The following GSE1 variants were observed in gnomAD, a reference collection of about 807,000 sequenced individuals.
GSE1 encodes genetic suppressor element 1.
A neutral mutation model predicts 112.6 loss-of-function variants in GSE1; 32 were observed. That is an observed-to-expected ratio of 0.28 (90% CI 0.21 to 0.38). The LOEUF is 0.38. GSE1 is among the 10% of genes least tolerant of loss of function. The pLI, the probability that GSE1 is intolerant of heterozygous loss-of-function variation, is 1.00. For missense variants in GSE1, 2,348 were observed against 1,699.2 expected, an observed-to-expected ratio of 1.38 and a Z score of -6.71; for synonymous variants, 1,115 against 735.6, an observed-to-expected ratio of 1.52 and a Z score of -8.35.
chr16:85,646,743 C>T (rs943624838), intron 2 of GSE1, among the ~76,000 whole-genome samples: 10 of 152,232 alleles, frequency 6.6e-5, no homozygotes, highest in Non-Finnish European at 1.0e-4. Flanking sequence ...AGTGTGCAGC[C>T]GTGCACCCCC....
At chr16:85,469,178 C>G (rs557283917) in intron 2 of GSE1, among the ~76,000 whole-genome samples, 26 of 152,132 alleles carry the variant, frequency 1.7e-4, no homozygotes, top group African/African-American at 6.3e-4. Context: ...ATCTCTTGAA[C>G]CTGGGATGTG....
At chr16:85,233,787 T>C (rs1420644500) in intron 1 of GSE1, among the ~76,000 whole-genome samples, 34 of 152,296 alleles carry the variant, frequency 2.2e-4, no homozygotes, top group East Asian at 1.9e-4. Context: ...GGCACTTTGC[T>C]GGCCTCCTGG....
At chr16:85,582,557 C>T (rs1313253724) in intron 1 of GSE1, among the ~76,000 whole-genome samples, 1 of 152,180 alleles carries the variant, frequency 6.6e-6, no homozygotes, top group Non-Finnish European at 1.5e-5. Flanking sequence ...TGGCTTGCTT[C>T]CTGGGTGGCT....
At chr16:85,572,131 CCACATACCACACACAA>C (rs1189937664) in intron 1 of GSE1, among the ~76,000 whole-genome samples, 1 of 147,642 alleles carries the variant, frequency 6.8e-6, no homozygotes, top group Non-Finnish European at 1.5e-5. Context: ...CACACACACA[CCACATACCACACACAA>C]CACACCACAC....
At chr16:85,636,751 C>T (rs2050033581) in intron 2 of GSE1, among the ~76,000 whole-genome samples, 1 of 152,156 alleles carries the variant, frequency 6.6e-6, no homozygotes, top group South Asian at 2.1e-4. Context: ...GCGGTCCCTG[C>T]TGGAAAGGAA....
intron 2 of GSE1, among the ~76,000 whole-genome samples, chr16:85,372,074 G>T (rs534068433): frequency 6.6e-6 from 1 of 152,196 alleles, no homozygotes; most frequent in Non-Finnish European, 1.5e-5. Flanking sequence ...CTTACCAGGT[G>T]GGGTGTAAGC....
intron 2 of GSE1, chr16:85,490,555 C>G (rs1243012623): frequency 1.3e-5 from 2 of 152,290 alleles, no homozygotes; most frequent in East Asian, 1.9e-4. Context: ...AGGCCAGCCC[C>G]TCGCTCGCTA....
intron 1 of GSE1, among the ~76,000 whole-genome samples, chr16:85,334,250 G>A (rs2046436401): frequency 6.6e-6 from 1 of 152,224 alleles, no homozygotes; most frequent in Non-Finnish European, 1.5e-5. Context: ...TCCAGAGTGT[G>A]GATGTGGAGC....
intron 2 of GSE1, among the ~76,000 whole-genome samples, chr16:85,478,946 T>C (rs1308378592): frequency 1.2e-4 from 10 of 82,436 alleles, no homozygotes; most frequent in South Asian, 3.7e-4. Context: ...TCTTTCTTTC[T>C]TTTTTTTTCT....
chr16:85,628,931 A>T (rs1194680851), intron 1 of GSE1, among the ~76,000 whole-genome samples: 3 of 152,100 alleles, frequency 2.0e-5, no homozygotes, highest in African/African-American at 7.2e-5. Context: ...TGTGTCCTCC[A>T]GTTTTGGAGG....
chr16:85,528,098 G>C (rs933490499), intron 2 of GSE1, among the ~76,000 whole-genome samples: 5 of 152,238 alleles, frequency 3.3e-5, no homozygotes, highest in Non-Finnish European at 7.3e-5. Context: ...AAACAGGGAG[G>C]AGGCCTTCAG....
At chr16:85,214,390 G>T (rs1182983398) in intron 1 of GSE1, among the ~76,000 whole-genome samples, 1 of 152,158 alleles carries the variant, frequency 6.6e-6, no homozygotes, top group Admixed American at 6.5e-5. Flanking sequence ...AGAAGAAGGA[G>T]ATTTAGAGAC....
intron 1 of GSE1, among the ~76,000 whole-genome samples, chr16:85,215,696 A>G (rs568679289): frequency 2.0e-5 from 3 of 152,288 alleles, no homozygotes; most frequent in African/African-American, 7.2e-5. Context: ...TGTGCCCCGC[A>G]CTGTTCCAGC....
intron 1 of GSE1, among the ~76,000 whole-genome samples, chr16:85,302,734 G>A (rs967322666): frequency 7.9e-5 from 12 of 152,196 alleles, no homozygotes; most frequent in Non-Finnish European, 1.5e-4. Flanking sequence ...AGGGGGCCCA[G>A]GCATCTGAAC....
intron 2 of GSE1, among the ~76,000 whole-genome samples, chr16:85,462,268 CT>C (rs1398302892): frequency 6.6e-6 from 1 of 152,032 alleles, no homozygotes; most frequent in East Asian, 1.9e-4. Flanking sequence ...TCAGAGACCC[CT>C]GGGTTAGAAG....
At chr16:85,182,331 C>T (rs1388339340) in intron 1 of GSE1, among the ~76,000 whole-genome samples, 1 of 152,210 alleles carries the variant, frequency 6.6e-6, no homozygotes, top group Non-Finnish European at 1.5e-5. Context: ...TCCAAGAAAC[C>T]AGGCAGGCTC....
At chr16:85,635,931 G>C (rs937270864) in intron 2 of GSE1, among the ~76,000 whole-genome samples, 1 of 143,532 alleles carries the variant, frequency 7.0e-6, no homozygotes, top group African/African-American at 2.5e-5. Flanking sequence ...GGGCGTCACA[G>C]CAGGAGCCTG....
rs528119044 is a variant in GSE1, at chr16:85,657,160, G to T, written c.1313-117G>T. ...TTCTGAATATCTTGGTTCTGGCTGC[G>T]GGAAGAACCCTTTGGAAGGGCTCTG... On this transcript the variant is annotated intron_variant, in intron 7 of 15. Transcript: ENST00000253458. The T allele has an allele frequency of 5.8e-6, 4 of 690,076 alleles. No homozygotes were observed. In the African/African-American group the frequency reaches 7.4e-5, roughly 13 times the overall value. 42.7% of individuals were successfully genotyped at this position (690,076 alleles called of 1,614,324 possible).
intron 2 of GSE1, among the ~76,000 whole-genome samples, chr16:85,517,709 G>A (rs918613318): frequency 5.9e-5 from 9 of 152,154 alleles, no homozygotes; most frequent in Non-Finnish European, 1.0e-4. Context: ...TCTTGCAGTC[G>A]GTCATTCCAT....
Sources: gnomAD v4.1 joint callset for allele counts (sites outside exome capture counted in the v4.1 genomes callset) on GRCh38, gnomAD v4.1.1 for gene constraint, MANE v1.5 for transcripts, NCBI Gene and HGNC (gene_info 2026-07-23, HGNC 2026-07-21) for gene names.